LEMD3: variants seen among roughly 807,000 people sequenced by gnomAD.
The protein encoded by LEMD3 is inner nuclear membrane protein Man1.
A neutral mutation model predicts 95.2 loss-of-function variants in LEMD3; 33 were observed. The observed-to-expected ratio is 0.35, with a 90% confidence interval of 0.26 to 0.46. The LOEUF is 0.46. LEMD3 is among the 20% of genes least tolerant of loss of function. The probability of loss-of-function intolerance (pLI) is 1.00; values close to 1 mark genes in which losing one functional copy is unlikely to be tolerated. For synonymous variants in LEMD3, 525 were observed against 474.6 expected (o/e 1.11, Z -1.38); for missense variants, 1,210 against 1,192.8 (o/e 1.01, Z -0.21).
intron 1 of LEMD3, among the ~76,000 whole-genome samples, chr12:65,202,744 T>G (rs73115658): frequency 0.01 from 1,579 of 152,270 alleles, 18 homozygotes; most frequent in Non-Finnish European, 0.016. Flanking sequence ...ATAGGTATAG[T>G]CCTATTCAGG....
At chr12:65,171,610 G>A (rs1043711477) in intron 1 of LEMD3, 1 of 180,066 alleles carries the variant, frequency 5.6e-6, no homozygotes, top group Non-Finnish European at 1.2e-5. Flanking sequence ...GGTATTAACT[G>A]TATGTATAAT....
intron 10 of LEMD3, 135 bp from the exon 11 acceptor site, chr12:65,245,534 C>T: frequency 1.4e-6 from 1 of 707,398 alleles, no homozygotes; most frequent in Admixed American, 2.2e-5. Flanking sequence ...CAAGCATTTA[C>T]TTAATACCAA....
At chr12:65,245,510 C>T in intron 10 of LEMD3, 159 bp from the exon 11 acceptor site, 1 of 634,774 alleles carries the variant, frequency 1.6e-6, no homozygotes, top group Non-Finnish European at 2.8e-6. Context: ...TTAAATCTAC[C>T]TCCTGTTAGT....
intron 1 of LEMD3, among the ~76,000 whole-genome samples, chr12:65,174,781 T>C (rs1224005877): frequency 1.3e-5 from 2 of 152,192 alleles, no homozygotes; most frequent in African/African-American, 2.4e-5. Flanking sequence ...AAATCTCTGT[T>C]ACAGAGCTTA....
intron 4 of LEMD3, among the ~76,000 whole-genome samples, chr12:65,225,076 C>G (rs1236496829): frequency 6.6e-6 from 1 of 152,082 alleles, no homozygotes; most frequent in African/African-American, 2.4e-5. Context: ...TCCAAAATTT[C>G]TGGGTTTTAA....
Position 65,238,769 on chromosome 12 carries a change from C to T in LEMD3, c.1876C>T (p.Arg626Cys), listed in dbSNP as rs1870847615. Residue 626 changes from arginine to cysteine, a missense_variant, in exon 6 of 13, where the codon CGT becomes TGT. By Grantham distance (180) the Arg-to-Cys change is radical. Around this residue, in one of 2 missense-constraint regions of LEMD3, gnomAD observed 461 missense variants for 569.8 expected, o/e 0.81. Transcript: ENST00000308330. ...PLMSFWCRFR[R>C]AFVTVTHRLL... Reference sequence around the variant, plus strand: ...GATGTCTTTTTGGTGTCGTTTTCGACGTGCTTTTGTTACTGTAACTCACAG... The same window carrying T: ...GATGTCTTTTTGGTGTCGTTTTCGATGTGCTTTTGTTACTGTAACTCACAG... The T allele has an allele frequency of 5.0e-6, 8 of 1,613,870 alleles. No individual in the cohort carries two copies. The highest frequency in any genetic ancestry group is 1.7e-5 in the Admixed American group (1 of 59,984).
Position 65,169,985 on chromosome 12 carries a change from CG to C in LEMD3, c.391del (p.Ala131LeufsTer52). On this transcript the variant is annotated frameshift_variant, in exon 1 of 13. Transcript: ENST00000308330. LOFTEE classifies it high-confidence loss of function. ...GGPGGASAAP[A>X]AGSKVLLGFS... ...CCCGGGGGCGCCTCCGCCGCCCCCG[CG>C]GCTGGCAGCAAAGTGCTGCTGGGCT... 6.8e-7 allele frequency: 1 copy of C among 1,470,900 alleles called. No homozygotes were observed. Among genetic ancestry groups the C allele is most frequent in the Non-Finnish European group, 8.9e-7 (1 of 1,122,524 alleles). The allele number at this position is 1,470,900 out of a possible 1,614,324, so 91.1% of individuals were successfully genotyped here.
intron 8 of LEMD3, 24 bp downstream of exon 8, chr12:65,240,262 C>T: frequency 6.6e-7 from 1 of 1,521,466 alleles, no homozygotes; most frequent in Non-Finnish European, 9.1e-7. Context: ...ATTATGAGTT[C>T]AAGTAAATCA....
chr12:65,238,686 C>T lies in LEMD3; in HGVS notation c.1793C>T (p.Pro598Leu). 6.2e-7 allele frequency: 1 copy of T among 1,613,974 alleles called. No individual in the cohort carries two copies. Among genetic ancestry groups the T allele is most frequent in the Non-Finnish European group, 8.5e-7 (1 of 1,179,962 alleles). The part of the protein sequence containing the change: ...DVGIRCVGFG[P>L]EEELTNITDV... Reference sequence around the variant, plus strand: ...TTAAATAGGTGTGTTGGTTTTGGCCCTGAGGAAGAATTGACAAATATAACT... The same window carrying T: ...TTAAATAGGTGTGTTGGTTTTGGCCTTGAGGAAGAATTGACAAATATAACT... The change falls in exon 6 of 13, where the codon CCT becomes CTT. Residue 598 changes from proline to leucine, a missense_variant. This residue lies in a region of LEMD3 where 461 missense variants were observed against 569.8 expected (regional missense o/e 0.81). Coordinates refer to ENST00000308330, the MANE Select transcript of LEMD3 (RefSeq NM_014319.5).
In LEMD3 at chr12:65,246,193, A is replaced by G. The variant is rs2136358958; in HGVS notation, c.2604A>G (p.Leu868=). 1.9e-6 allele frequency: 3 copies of G among 1,612,118 alleles called. No homozygotes were observed. The highest frequency in any genetic ancestry group is 1.7e-6 in the Non-Finnish European group (2 of 1,178,542). Residue 868 remains leucine (L), a synonymous_variant, in exon 13 of 13, where the codon CTA becomes CTG. Transcript: ENST00000308330. ...GKLVTVKYLR[L]DRYHHRFPQA... ...TGGTTACAGTAAAATATTTACGACT[A>G]GATAGATACCACCATCGCTTTCCCC...
At chr12:65,222,399 A>G (rs1304345464) in intron 4 of LEMD3, among the ~76,000 whole-genome samples, 1 of 152,032 alleles carries the variant, frequency 6.6e-6, no homozygotes, top group African/African-American at 2.4e-5. Flanking sequence ...TAATTTTCTT[A>G]TAGTATCATT....
chr12:65,200,826 T>C (rs2136330126), intron 1 of LEMD3, among the ~76,000 whole-genome samples: 1 of 152,274 alleles, frequency 6.6e-6, no homozygotes, highest in East Asian at 1.9e-4. Context: ...TGTCAGCTTA[T>C]CACTTCTTTC....
At chr12:65,194,631 G>T (rs983707086) in intron 1 of LEMD3, among the ~76,000 whole-genome samples, 1 of 151,994 alleles carries the variant, frequency 6.6e-6, no homozygotes, top group Admixed American at 6.6e-5. Context: ...CTACAATACT[G>T]ATGTAGGAGT....
chr12:65,169,761 G>A lies in LEMD3; in HGVS notation c.165G>A (p.Arg55=), dbSNP rs138821698. 3 of 1,587,804 alleles carry A rather than the reference G, an allele frequency of 1.9e-6. No individual in the cohort carries two copies. Among genetic ancestry groups the A allele is most frequent in the Non-Finnish European group, 2.6e-6 (3 of 1,166,682 alleles). ...GAGAGGAAGAGCAGCAACAGCACCG[G>A]TCAGGGGGCCGCGGCAACAAGACGC... is the stretch of plus-strand genomic sequence containing the variant. ...KLREEEQQQH[R]SGGRGNKTRN... is the part of the protein sequence containing the mutation. The change falls in exon 1 of 13, where the codon CGG becomes CGA. Residue 55 remains arginine, a synonymous_variant. Transcript: ENST00000308330.
At chr12:65,205,883 A>G (rs927350522) in intron 1 of LEMD3, among the ~76,000 whole-genome samples, 3 of 152,072 alleles carry the variant, frequency 2.0e-5, no homozygotes, top group African/African-American at 7.2e-5. Flanking sequence ...TGATTATGTA[A>G]TCTCAATATT....
At chr12:65,184,865 C>A (rs1869010907) in intron 1 of LEMD3, among the ~76,000 whole-genome samples, 1 of 152,144 alleles carries the variant, frequency 6.6e-6, no homozygotes, top group Admixed American at 6.6e-5. Context: ...AGCAACATGA[C>A]TTGAAAGCTC....
Position 65,169,993 on chromosome 12 carries a change from A to G in LEMD3, c.397A>G (p.Ser133Gly), listed in dbSNP as rs1393533745. 4.7e-6 allele frequency: 7 copies of G among 1,478,892 alleles called. No individual in the cohort carries two copies. The South Asian group carries it at 9.3e-5, about 20-fold the overall frequency. The allele number at this position is 1,478,892 out of a possible 1,614,324, so 91.6% of individuals were successfully genotyped here. The change falls in exon 1 of 13, where the codon AGC becomes GGC. Residue 133 changes from serine to glycine, a missense_variant. Around this residue, in one of 2 missense-constraint regions of LEMD3, gnomAD observed 749 missense variants for 622.9 expected, o/e 1.20. Transcript: ENST00000308330. ...CGCCTCCGCCGCCCCCGCGGCTGGC[A>G]GCAAAGTGCTGCTGGGCTTCAGCTC... ...GGASAAPAAG[S>G]KVLLGFSSDE...
At chr12:65,212,083 G>A (rs985367338) in intron 2 of LEMD3, among the ~76,000 whole-genome samples, 5 of 152,046 alleles carry the variant, frequency 3.3e-5, no homozygotes, top group Admixed American at 3.3e-4. Context: ...CAGTCGTGGC[G>A]GAAGGTGAAA....
chr12:65,172,563 G>A (rs1868584417), intron 1 of LEMD3, among the ~76,000 whole-genome samples: 1 of 151,984 alleles, frequency 6.6e-6, no homozygotes, highest in African/African-American at 2.4e-5. Context: ...TATTCCCTGG[G>A]AGCATGAGTG....
Sources: gnomAD v4.1 joint callset for allele counts (sites outside exome capture counted in the v4.1 genomes callset) on GRCh38, gnomAD v4.1.1 for gene constraint, gnomAD v4.1.1 regional missense constraint, MANE v1.5 for transcripts, NCBI Gene and HGNC (gene_info 2026-07-23, HGNC 2026-07-21) for gene names.